Variants in CYRIB observed in about 807,000 individuals in gnomAD.
CYRIB encodes the protein CYFIP related Rac1 interactor B.
Under a neutral mutation model 44.2 loss-of-function variants are expected in CYRIB, and 8 were observed. The ratio of observed to expected loss-of-function variants is 0.18; its 90% CI spans 0.11 to 0.33. The LOEUF is 0.33. CYRIB is among the 10% of genes least tolerant of loss of function. The pLI, the probability that CYRIB is intolerant of heterozygous loss-of-function variation, is 1.00. For synonymous variants in CYRIB, 131 were observed against 127.2 expected (o/e 1.03, Z -0.20); for missense variants, 185 against 382.8 (o/e 0.48, Z 4.31).
rs116052340 is a variant in CYRIB, at chr8:129,969,200, G to A, written c.-243+1743C>T. On this transcript the variant is annotated intron_variant, in intron 2 of 14. Coordinates refer to the CYRIB transcript ENST00000401979. ...GGCTGATTTTTGTATTTTCAGTAGA[G>A]ACAGGCCTTCGCCATGTTGGCCAGG... Among the ~76,000 whole-genome samples the A allele has an allele frequency of 9.5e-3, 1,452 of 152,128 alleles. 25 individuals are homozygous for A. The highest frequency in any genetic ancestry group is 0.033 in the African/African-American group (1,360 of 41,480).
chr8:129,849,539 G>C, intron 9 of CYRIB, 170 bp from the exon 12 acceptor site: 1 of 568,328 alleles, frequency 1.8e-6, no homozygotes, highest in South Asian at 2.9e-5. Context: ...TCTTATGTCT[G>C]TTTTCCTTTC....
At chr8:129,980,748 A>G (rs554480148) in intron 1 of CYRIB, among the ~76,000 whole-genome samples, 1 of 152,198 alleles carries the variant, frequency 6.6e-6, no homozygotes, top group Non-Finnish European at 1.5e-5. Context: ...TTGGGAGGCC[A>G]AGGCAAAAGA....
At chr8:129,852,544 G>C (rs1178035390) in intron 7 of CYRIB, among the ~76,000 whole-genome samples, 1 of 152,070 alleles carries the variant, frequency 6.6e-6, no homozygotes, top group South Asian at 2.1e-4. Flanking sequence ...TGTTATGGAG[G>C]ACAGAAAAAT....
chr8:129,917,628 G>A (rs1234842269), intron 1 of CYRIB, among the ~76,000 whole-genome samples: 1 of 152,184 alleles, frequency 6.6e-6, no homozygotes, highest in Non-Finnish European at 1.5e-5. Context: ...GGAGGCCAAG[G>A]CGGGCGGATC....
intron 1 of CYRIB, among the ~76,000 whole-genome samples, chr8:130,015,613 G>A (rs927294883): frequency 2.0e-5 from 3 of 152,148 alleles, no homozygotes; most frequent in Non-Finnish European, 4.4e-5. Flanking sequence ...GCTCCAGCAT[G>A]GTAAGACCTC....
chr8:130,012,268 T>C (rs2097241771), intron 1 of CYRIB, among the ~76,000 whole-genome samples: 1 of 151,974 alleles, frequency 6.6e-6, no homozygotes. Flanking sequence ...CTCGACAAGC[T>C]CTGGTACAAT....
chr8:129,929,570 A>C (rs1231489397), intron 1 of CYRIB, among the ~76,000 whole-genome samples: 2 of 152,224 alleles, frequency 1.3e-5, no homozygotes, highest in African/African-American at 4.8e-5. Flanking sequence ...CTTAGTATAT[A>C]ATTATGTTTA....
chr8:129,965,663 G>C (rs2095447493), intron 2 of CYRIB, among the ~76,000 whole-genome samples: 1 of 151,876 alleles, frequency 6.6e-6, no homozygotes, highest in Admixed American at 6.6e-5. Flanking sequence ...GGGCGTGGTG[G>C]TGGGTGCCTG....
intron 2 of CYRIB, among the ~76,000 whole-genome samples, chr8:129,953,972 A>G (rs1013417546): frequency 3.3e-5 from 5 of 152,198 alleles, no homozygotes; most frequent in African/African-American, 4.8e-5. Flanking sequence ...AAGGAAAGAT[A>G]TTGCATAAAC....
At chr8:129,889,138 T>A (rs986985678) in intron 2 of CYRIB, among the ~76,000 whole-genome samples, 3 of 152,036 alleles carry the variant, frequency 2.0e-5, no homozygotes, top group African/African-American at 7.2e-5. Flanking sequence ...TTATACTACA[T>A]CCACTCTGCC....
intron 2 of CYRIB, among the ~76,000 whole-genome samples, chr8:129,968,593 G>A (rs2095573889): frequency 1.3e-5 from 2 of 152,202 alleles, no homozygotes; most frequent in Admixed American, 6.5e-5. Flanking sequence ...ATAGGTTGTT[G>A]AAATATGCCT....
At chr8:129,878,925 G>A (rs1040288445) in intron 3 of CYRIB, among the ~76,000 whole-genome samples, 1 of 151,966 alleles carries the variant, frequency 6.6e-6, no homozygotes, top group Admixed American at 6.6e-5. Flanking sequence ...TTAATATTAT[G>A]CCCAAATTAC....
At chr8:129,990,983 T>A (rs2096617729) in intron 1 of CYRIB, among the ~76,000 whole-genome samples, 1 of 151,780 alleles carries the variant, frequency 6.6e-6, no homozygotes, top group South Asian at 2.1e-4. Flanking sequence ...AGACAAAAAA[T>A]TAGCCAGGTG....
In CYRIB at chr8:129,958,097, T is replaced by C. The variant is rs368673819; in HGVS notation, c.-243+12846A>G. Among the ~76,000 whole-genome samples the C allele has an allele frequency of 2.4e-3, 359 of 151,854 alleles. 2 individuals carry two copies. Among genetic ancestry groups the C allele is most frequent in the African/African-American group, 8.4e-3 (348 of 41,402 alleles). On this transcript the variant is annotated intron_variant, in intron 2 of 14. Transcript: ENST00000401979. The stretch of plus-strand genomic sequence containing the variant: ...GCTTGAACCCGAGAGATGGAGGTTG[T>C]AGTGAGCCAAGATCGTGCCACTGCC...
chr8:129,997,856 C>T (rs2096810574), intron 1 of CYRIB, among the ~76,000 whole-genome samples: 1 of 152,134 alleles, frequency 6.6e-6, no homozygotes, highest in Admixed American at 6.5e-5. Context: ...GGCGCAGTGG[C>T]TCACGCCTGT....
chr8:129,973,132 G>A (rs948896707), intron 1 of CYRIB, among the ~76,000 whole-genome samples: 1 of 152,192 alleles, frequency 6.6e-6, no homozygotes, highest in African/African-American at 2.4e-5. Context: ...AAGATTAGGG[G>A]AGCAATTACA....
At chr8:130,005,637 C>A (rs572517043) in intron 1 of CYRIB, among the ~76,000 whole-genome samples, 2 of 152,076 alleles carry the variant, frequency 1.3e-5, no homozygotes, top group South Asian at 4.1e-4. Context: ...GTGATGGGGT[C>A]CCCGGGTGGG....
chr8:129,879,293 A>AAG, intron 3 of CYRIB, 96 bp downstream of exon 5: 1 of 799,264 alleles, frequency 1.3e-6, no homozygotes, highest in East Asian at 2.5e-5. Context: ...CATGCAAAGC[A>AAG]GTTAAAAAGA....
chr8:129,902,999 A>G (rs2135781121), intron 2 of CYRIB: 1 of 152,674 alleles, frequency 6.5e-6, no homozygotes, highest in South Asian at 2.1e-4. Flanking sequence ...TTAAACTACT[A>G]AAATTATGGC....
Sources: allele counts gnomAD v4.1 joint callset (sites outside exome capture counted in the v4.1 genomes callset), GRCh38; gene constraint gnomAD v4.1.1; transcripts MANE v1.5; gene names NCBI Gene and HGNC (gene_info 2026-07-23, HGNC 2026-07-21).